The following TMA7 variants were observed in gnomAD, a reference collection of about 807,000 sequenced individuals.
The protein encoded by TMA7 is translation machinery-associated protein 7.
In TMA7, 5 loss-of-function variants were observed where a neutral mutation model predicts 12.5. That is an observed-to-expected ratio of 0.40 (90% CI 0.21 to 0.84). The LOEUF is 0.84. TMA7 is among the 40% of genes least tolerant of loss of function. TMA7 has a pLI of 0.36. For synonymous variants in TMA7, 36 were observed against 28.1 expected (o/e 1.28, Z -0.89); for missense variants, 71 against 75.4 (o/e 0.94, Z 0.22).
intron 3 of TMA7, among the ~76,000 whole-genome samples, chr3:48,442,376 T>G (rs189972528): frequency 3.9e-4 from 60 of 152,126 alleles, no homozygotes; most frequent in African/African-American, 1.4e-3. Flanking sequence ...GAGCATCATC[T>G]GATTTTTATT....
chr3:48,441,590 G>A (rs1298032812), intron 3 of TMA7, among the ~76,000 whole-genome samples: 1 of 151,948 alleles, frequency 6.6e-6, no homozygotes, highest in African/African-American at 2.4e-5. Flanking sequence ...TAAAGTCCAG[G>A]CTCTTCAGTG....
At chr3:48,441,699 A>G (rs985490728) in intron 3 of TMA7, among the ~76,000 whole-genome samples, 2 of 152,184 alleles carry the variant, frequency 1.3e-5, no homozygotes, top group African/African-American at 4.8e-5. Flanking sequence ...TTTCAGGCCC[A>G]GCAGTTCTAG....
Position 48,440,988 on chromosome 3 carries a change from A to C in TMA7, c.160+360A>C, listed in dbSNP as rs943165305. 9 of 341,100 alleles carry C rather than the reference A, an allele frequency of 2.6e-5. No individual in the cohort carries two copies. In the East Asian group the frequency reaches 5.9e-4, roughly 22 times the overall value. 21.1% of individuals were successfully genotyped at this position (341,100 alleles called of 1,614,324 possible). On this transcript the variant is annotated intron_variant, in intron 3 of 3. Coordinates refer to ENST00000438607, the MANE Select transcript of TMA7 (RefSeq NM_015933.6). ...GTATTTCACTGCCTTCTAGTGTTTG[A>C]ACCTTACTTGACTTAGAAGTTTTTT...
rs372813311 is a variant in TMA7, at chr3:48,440,322, C to G, written c.16+10C>G. On this transcript the variant is annotated intron_variant, in intron 1 of 3. Coordinates refer to ENST00000438607, the MANE Select transcript of TMA7 (RefSeq NM_015933.6). ...ATGTCCGGCCGCGAAGGTAAGTGTTCCGGAACCGTGAGGACTGCGGGGACG... is the reference window on the plus strand; with the variant it reads ...ATGTCCGGCCGCGAAGGTAAGTGTTGCGGAACCGTGAGGACTGCGGGGACG... The G allele has an allele frequency of 6.2e-7, 1 of 1,611,308 alleles. No individual in the cohort carries two copies. Among genetic ancestry groups the G allele is most frequent in the Non-Finnish European group, 8.5e-7 (1 of 1,179,398 alleles).
chr3:48,441,552 T>C (rs529393678), intron 3 of TMA7, among the ~76,000 whole-genome samples: 9 of 152,294 alleles, frequency 5.9e-5, no homozygotes, highest in Admixed American at 3.9e-4. Flanking sequence ...TGAGTCTTTT[T>C]ACTTCTGGGT....
intron 3 of TMA7, among the ~76,000 whole-genome samples, chr3:48,443,231 A>G (rs1460508062): frequency 2.5e-5 from 3 of 120,158 alleles, no homozygotes; most frequent in Non-Finnish European, 5.0e-5. Context: ...ACAAAGCAAG[A>G]CTCCATCTCC....
At chr3:48,440,378 C>G in intron 1 of TMA7, 25 bp from the exon 2 acceptor site, 1 of 1,611,668 alleles carries the variant, frequency 6.2e-7, no homozygotes, top group East Asian at 2.2e-5. Flanking sequence ...CAGGGGCAGG[C>G]CGAACGTGCT....
chr3:48,442,187 G>T (rs1254490817), intron 3 of TMA7, among the ~76,000 whole-genome samples: 1 of 151,746 alleles, frequency 6.6e-6, no homozygotes, highest in Non-Finnish European at 1.5e-5. Flanking sequence ...ATTTGAGCAC[G>T]GGAGTTCAGG....
intron 3 of TMA7, among the ~76,000 whole-genome samples, chr3:48,442,674 T>G (rs2039597651): frequency 6.6e-6 from 1 of 151,852 alleles, no homozygotes. Context: ...ATGGTCTCGA[T>G]CTCCTGACCT....
chr3:48,440,463 G>T lies in TMA7; in HGVS notation c.72+5G>T. 6.2e-7 allele frequency: 1 copy of T among 1,611,948 alleles called. No individual in the cohort carries two copies. Among genetic ancestry groups the T allele is most frequent in the Non-Finnish European group, 8.5e-7 (1 of 1,179,602 alleles). ...CAGGCCAAGGAGATGGACGAGGTGA[G>T]GGCGGGCGCGGAGGCACTGGCGGGT... is the stretch of plus-strand genomic sequence containing the variant. On this transcript the variant is annotated splice_donor_5th_base_variant and intron_variant, in intron 2 of 3. Coordinates refer to ENST00000438607, the MANE Select transcript of TMA7 (RefSeq NM_015933.6).
chr3:48,443,153 A>G (rs1179616189), intron 3 of TMA7, among the ~76,000 whole-genome samples: 1 of 151,104 alleles, frequency 6.6e-6, no homozygotes, highest in Admixed American at 6.6e-5. Context: ...TGCATGAAGA[A>G]TCACTTGAAC....
At position 48,440,416 on chromosome 3, in the gene TMA7, G is replaced by C. The variant is rs1410444706; in HGVS notation, c.30G>C (p.Lys10Asn). MSGREGGKK[K>N]PLKQPKKQAK... is the part of the protein sequence containing the mutation. ...TGTCGCCCACAGGTGGCAAGAAGAA[G>C]CCACTGAAACAGCCCAAGAAGCAGG... The change falls in exon 2 of 4, where the codon AAG becomes AAC. Residue 10 changes from lysine (K) to asparagine (N), a missense_variant. Coordinates refer to ENST00000438607, the MANE Select transcript of TMA7 (RefSeq NM_015933.6). The C allele has an allele frequency of 1.2e-6, 2 of 1,612,320 alleles. No homozygotes were observed. Among genetic ancestry groups the C allele is most frequent in the Non-Finnish European group, 1.7e-6 (2 of 1,179,840 alleles).
chr3:48,440,308 C>T lies in TMA7; in HGVS notation c.12C>T (p.Arg4=), dbSNP rs768458123. Residue 4 remains arginine, a synonymous_variant, in exon 1 of 4, where the codon CGC becomes CGT. Coordinates refer to ENST00000438607, the MANE Select transcript of TMA7 (RefSeq NM_015933.6). The part of the protein sequence containing the change: MSG[R]EGGKKKPLKQ... ...CGGCGGCAGGCGCCATGTCCGGCCG[C>T]GAAGGTAAGTGTTCCGGAACCGTGA... 5 of 1,608,094 alleles carry T rather than the reference C, an allele frequency of 3.1e-6. No individual in the cohort carries two copies. The highest frequency in any genetic ancestry group is 1.1e-5 in the South Asian group (1 of 90,910).
At chr3:48,440,690 G>A in intron 3 of TMA7, 62 bp downstream of exon 3, 2 of 1,474,102 alleles carry the variant, frequency 1.4e-6, no homozygotes, top group Admixed American at 3.9e-5. Context: ...TTGGGATGAG[G>A]GCGCGGGCAT....
chr3:48,440,599 A>C lies in TMA7; in HGVS notation c.131A>C (p.Lys44Thr). The C allele has an allele frequency of 6.2e-7, 1 of 1,611,808 alleles. No individual in the cohort carries two copies. Among genetic ancestry groups the C allele is most frequent in the South Asian group, 1.1e-5 (1 of 90,942 alleles). Residue 44 changes from lysine to threonine, a missense_variant, in exon 3 of 4, where the codon AAA becomes ACA. Lys to Thr is a moderately conservative substitution (Grantham distance 78). Coordinates refer to ENST00000438607, the MANE Select transcript of TMA7 (RefSeq NM_015933.6). The stretch of plus-strand genomic sequence containing the variant: ...GAGCAGAAGAAACTCGAGGAGCTAA[A>C]AGCGAAGGCCGCGGGGAAGGGGCCC... Reference protein sequence around the residue: ...KEEQKKLEELKAKAAGKGPLA... With the variant: ...KEEQKKLEELTAKAAGKGPLA...
At chr3:48,441,056 C>CAAA in intron 3 of TMA7, 1 of 186,464 alleles carries the variant, frequency 5.4e-6, no homozygotes, top group Non-Finnish European at 1.1e-5. Context: ...CACTCTGTCT[C>CAAA]CCAGGCTGGA....
At position 48,440,441 on chromosome 3, in the gene TMA7, G is replaced by A. The variant is rs1222306443; in HGVS notation, c.55G>A (p.Ala19Thr). The change falls in exon 2 of 4, where the codon GCC becomes ACC. Residue 19 changes from alanine to threonine, a missense_variant. Physicochemically the swap from Ala to Thr is moderately conservative, Grantham distance 58. Coordinates refer to ENST00000438607, the MANE Select transcript of TMA7 (RefSeq NM_015933.6). ...KKPLKQPKKQ[A>T]KEMDEEDKAF... ...GCCACTGAAACAGCCCAAGAAGCAGGCCAAGGAGATGGACGAGGTGAGGGC... is the reference window on the plus strand; with the variant it reads ...GCCACTGAAACAGCCCAAGAAGCAGACCAAGGAGATGGACGAGGTGAGGGC... The A allele has an allele frequency of 2.5e-6, 4 of 1,612,492 alleles. No homozygotes were observed. The highest frequency in any genetic ancestry group is 3.3e-5 in the Admixed American group (2 of 59,952).
chr3:48,440,375 A>T, intron 1 of TMA7, 28 bp from the exon 2 acceptor site: 1 of 1,611,748 alleles, frequency 6.2e-7, no homozygotes, highest in Non-Finnish European at 8.5e-7. Context: ...CGGCAGGGGC[A>T]GGCCGAACGT....
At chr3:48,440,733 C>T (rs148905072) in intron 3 of TMA7, 105 bp downstream of exon 3, 1 of 964,864 alleles carries the variant, frequency 1.0e-6, no homozygotes, top group African/African-American at 1.6e-5. Flanking sequence ...TGCGAGGTCT[C>T]GTTTTCCGAC....
Sources: gnomAD v4.1 joint callset for allele counts (sites outside exome capture counted in the v4.1 genomes callset) on GRCh38, gnomAD v4.1.1 for gene constraint, MANE v1.5 for transcripts, NCBI Gene and HGNC (gene_info 2026-07-23, HGNC 2026-07-21) for gene names.